SNX29: variants seen among roughly 807,000 people sequenced by gnomAD.
SNX29 encodes sorting nexin-29.
Under a neutral mutation model 102.1 loss-of-function variants are expected in SNX29, and 78 were observed. That is an observed-to-expected ratio of 0.76 (90% CI 0.64 to 0.92). The LOEUF is 0.92. Ranked by LOEUF, SNX29 falls within the 40% of genes least tolerant of loss-of-function variation. SNX29 has a pLI of 0.00. For missense variants in SNX29, 1,280 were observed against 1,061.7 expected (o/e 1.21, Z -2.86); for synonymous variants, 580 against 414.5 (o/e 1.40, Z -4.85).
At chr16:12,541,384 G>C (rs1178687791) in intron 20 of SNX29, among the ~76,000 whole-genome samples, 2 of 152,268 alleles carry the variant, frequency 1.3e-5, no homozygotes, top group East Asian at 3.9e-4. Flanking sequence ...CAGTTACCAT[G>C]TGCAGGCTCA....
At chr16:12,420,807 G>C (rs1488045730) in intron 18 of SNX29, among the ~76,000 whole-genome samples, 2 of 152,190 alleles carry the variant, frequency 1.3e-5, no homozygotes, top group African/African-American at 2.4e-5. Flanking sequence ...TCATGCTTCA[G>C]GGTGAACACT....
chr16:12,527,122 C>T, intron 20 of SNX29: 1 of 480,408 alleles, frequency 2.1e-6, no homozygotes, highest in South Asian at 1.7e-5. Flanking sequence ...TGGCTTTCCT[C>T]ACTGTTCCAA....
intron 1 of SNX29, among the ~76,000 whole-genome samples, chr16:11,978,207 A>G (rs568570455): frequency 6.6e-6 from 1 of 152,218 alleles, no homozygotes; most frequent in African/African-American, 2.4e-5. Context: ...CTTTGGTTGC[A>G]AATCAAATGA....
At chr16:12,463,533 G>C (rs8062629) in intron 18 of SNX29, among the ~76,000 whole-genome samples, 2 of 152,032 alleles carry the variant, frequency 1.3e-5, no homozygotes, top group Admixed American at 6.6e-5. Flanking sequence ...CACTAACAAG[G>C]GAACAGCATG....
At chr16:12,528,018 G>A (rs989999468) in intron 20 of SNX29, among the ~76,000 whole-genome samples, 20 of 151,422 alleles carry the variant, frequency 1.3e-4, no homozygotes, top group African/African-American at 4.1e-4. Context: ...GTAGAGATGG[G>A]GTTTCACCGT....
At chr16:12,295,268 G>A (rs1037330707) in intron 15 of SNX29, among the ~76,000 whole-genome samples, 1 of 152,166 alleles carries the variant, frequency 6.6e-6, no homozygotes, top group African/African-American at 2.4e-5. Context: ...GACAGGCAGC[G>A]GGGTCACCGG....
chr16:12,517,004 A>G (rs2089894961), intron 19 of SNX29, among the ~76,000 whole-genome samples: 1 of 152,246 alleles, frequency 6.6e-6, no homozygotes, highest in Non-Finnish European at 1.5e-5. Context: ...TCTGGAGGGA[A>G]GAAAAATATT....
At chr16:12,239,101 G>A (rs77691952) in intron 14 of SNX29, among the ~76,000 whole-genome samples, 5,940 of 152,316 alleles carry the variant, frequency 0.039, 417 homozygotes, top group African/African-American at 0.14. Flanking sequence ...TGGAAGGGGC[G>A]TGTGAAGTGT....
intron 11 of SNX29, among the ~76,000 whole-genome samples, chr16:12,099,837 T>A (rs2052933612): frequency 6.6e-6 from 1 of 152,090 alleles, no homozygotes; most frequent in Non-Finnish European, 1.5e-5. Context: ...ACTGCCTGGC[T>A]CTGAGATGGA....
Position 12,573,167 on chromosome 16 carries a change from G to A in SNX29, c.*4538G>A, listed in dbSNP as rs751188487. 8 of 226,166 alleles carry A rather than the reference G, an allele frequency of 3.5e-5. No homozygotes were observed. Among genetic ancestry groups the A allele is most frequent in the East Asian group, 1.3e-4 (2 of 15,616 alleles). The allele number at this position is 226,166 out of a possible 1,614,324, so 14.0% of individuals were successfully genotyped here. On this transcript the variant is annotated 3_prime_UTR_variant, in exon 21 of 21. Transcript: ENST00000566228. ...AGCTTCAGCTCCTTGGTCAATAGAA[G>A]TAAGGGTGTAGCCATCCAGGGTCTC...
intron 20 of SNX29, among the ~76,000 whole-genome samples, chr16:12,540,329 T>C (rs1429033648): frequency 6.6e-6 from 1 of 152,130 alleles, no homozygotes; most frequent in Non-Finnish European, 1.5e-5. Context: ...CCACAGCTCT[T>C]ATGATTAAAG....
Position 12,098,685 on chromosome 16 carries a change from C to T in SNX29, c.1402+19770C>T, listed in dbSNP as rs573695634. Among the ~76,000 whole-genome samples, 1 of 152,228 alleles carries T rather than the reference C, an allele frequency of 6.6e-6. No homozygotes were observed. The highest frequency in any genetic ancestry group is 1.5e-5 in the Non-Finnish European group (1 of 68,036). ...GTAAGACACAGCTTAGGCGTCACCT[C>T]CTCCAGACAGACAGACACGTGAAGA... On this transcript the variant is annotated intron_variant, in intron 11 of 20. Coordinates refer to ENST00000566228, the MANE Select transcript of SNX29 (RefSeq NM_032167.5). The surrounding 1 kb of genome is among the most constrained non-coding windows in gnomAD (Gnocchi z 6.0).
intron 18 of SNX29, among the ~76,000 whole-genome samples, chr16:12,406,908 CAAAAAG>C (rs1345659357): frequency 6.6e-6 from 1 of 152,054 alleles, no homozygotes; most frequent in African/African-American, 2.4e-5. Flanking sequence ...GACTCTGTCT[CAAAAAG>C]AAAGAAAGAA....
chr16:12,463,744 A>G (rs1207716195), intron 18 of SNX29, among the ~76,000 whole-genome samples: 2 of 151,972 alleles, frequency 1.3e-5, no homozygotes, highest in African/African-American at 4.8e-5. Context: ...ATACAACATG[A>G]TGGTTTGATG....
At chr16:12,354,662 A>G (rs764140428) in intron 15 of SNX29, among the ~76,000 whole-genome samples, 1 of 152,162 alleles carries the variant, frequency 6.6e-6, no homozygotes, top group East Asian at 1.9e-4. Flanking sequence ...TGCGTGGTGA[A>G]TGGATTCACA....
intron 13 of SNX29, among the ~76,000 whole-genome samples, chr16:12,150,213 G>A (rs2055238609): frequency 1.3e-5 from 2 of 152,114 alleles, no homozygotes; most frequent in East Asian, 1.9e-4. Flanking sequence ...GATAGGAGGA[G>A]GCCAGGGTCG....
At chr16:12,074,518 T>C (rs1164769004) in intron 10 of SNX29, among the ~76,000 whole-genome samples, 1 of 152,248 alleles carries the variant, frequency 6.6e-6, no homozygotes, top group Non-Finnish European at 1.5e-5. Context: ...CTTGTAAAGT[T>C]TCTGTCGAGA....
chr16:12,137,845 G>A (rs2054717977), intron 13 of SNX29, among the ~76,000 whole-genome samples: 1 of 152,210 alleles, frequency 6.6e-6, no homozygotes, highest in South Asian at 2.1e-4. Flanking sequence ...AGCCCAGCTT[G>A]GGCTAGGGAT....
chr16:12,561,440 C>T (rs943002158), intron 20 of SNX29, among the ~76,000 whole-genome samples: 1 of 152,130 alleles, frequency 6.6e-6, no homozygotes, highest in Non-Finnish European at 1.5e-5. Flanking sequence ...GGATCCAGCC[C>T]TCTAAGCTTC....
Sources: allele counts gnomAD v4.1 joint callset (sites outside exome capture counted in the v4.1 genomes callset), GRCh38; gene constraint gnomAD v4.1.1; non-coding constraint Gnocchi (gnomAD v3.1); transcripts MANE v1.5; gene names NCBI Gene and HGNC (gene_info 2026-07-23, HGNC 2026-07-21).